The following AKAP19 variants were observed in gnomAD, a reference collection of about 807,000 sequenced individuals.
The protein encoded by AKAP19 is A-kinase anchoring protein 19.
At chr2:189,958,947 A>T in the AKAP19 span, among the ~76,000 whole-genome samples, 10 of 152,172 alleles carry the variant, frequency 6.6e-5, no homozygotes, top group East Asian at 1.9e-3. Context: ...GTTTTTCTTT[A>T]GTACCCTAAA....
chr2:189,991,186 A>T, the AKAP19 span, among the ~76,000 whole-genome samples: 1 of 152,208 alleles, frequency 6.6e-6, no homozygotes, highest in African/African-American at 2.4e-5. Context: ...TCAAATAATG[A>T]CTTCTTTTAC....
At chr2:189,975,871 G>T in the AKAP19 span, among the ~76,000 whole-genome samples, 12 of 152,092 alleles carry the variant, frequency 7.9e-5, no homozygotes, top group Non-Finnish European at 1.6e-4. Flanking sequence ...GGTTATTCTA[G>T]TTAGCCATTC....
At chr2:190,008,730 GCACACACACACACA>G in the AKAP19 span, among the ~76,000 whole-genome samples, 96 of 120,678 alleles carry the variant, frequency 8.0e-4, no homozygotes, top group African/African-American at 2.3e-3. Flanking sequence ...ATGTGCACGT[GCACACACACACACA>G]CACACACACA....
At chr2:189,936,577 C>A in the AKAP19 span, among the ~76,000 whole-genome samples, 1 of 151,884 alleles carries the variant, frequency 6.6e-6, no homozygotes, top group Admixed American at 6.6e-5. Flanking sequence ...GGACAAGAAG[C>A]AAAATCAAGG....
the AKAP19 span, among the ~76,000 whole-genome samples, chr2:190,102,956 C>T: frequency 6.6e-6 from 1 of 152,178 alleles, no homozygotes; most frequent in Non-Finnish European, 1.5e-5. Context: ...GAAATGCTAG[C>T]AGACCAAATC....
the AKAP19 span, among the ~76,000 whole-genome samples, chr2:190,108,156 TTTG>T: frequency 0.025 from 3,821 of 152,174 alleles, 158 homozygotes; most frequent in African/African-American, 0.082. Context: ...AAAATTCTGG[TTTG>T]TTGTTGTTAT....
At chr2:190,147,339 A>G in the AKAP19 span, among the ~76,000 whole-genome samples, 1 of 152,260 alleles carries the variant, frequency 6.6e-6, no homozygotes, top group Non-Finnish European at 1.5e-5. Flanking sequence ...TGGATTCTCT[A>G]TTCTGTTCCG....
At chr2:190,194,742 G>A in the AKAP19 span, among the ~76,000 whole-genome samples, 1 of 152,036 alleles carries the variant, frequency 6.6e-6, no homozygotes, top group Non-Finnish European at 1.5e-5. Flanking sequence ...ACTGTCTCCA[G>A]AGTCTTGCCA....
At chr2:190,092,737 G>T in the AKAP19 span, among the ~76,000 whole-genome samples, 4,241 of 152,212 alleles carry the variant, frequency 0.028, 214 homozygotes, top group African/African-American at 0.096. Flanking sequence ...AAAAGTTCCT[G>T]TTTCCCCCAA....
the AKAP19 span, among the ~76,000 whole-genome samples, chr2:190,067,454 G>T: frequency 8.6e-5 from 13 of 152,018 alleles, no homozygotes; most frequent in African/African-American, 2.7e-4. Flanking sequence ...TACCTGTAGC[G>T]TTGCTTTTAA....
At chr2:189,905,129 A>T in the AKAP19 span, among the ~76,000 whole-genome samples, 2 of 151,986 alleles carry the variant, frequency 1.3e-5, no homozygotes, top group Non-Finnish European at 2.9e-5. Context: ...AGTCTTTGAT[A>T]AAGGTAAGAC....
At chr2:190,149,358 G>T in the AKAP19 span, among the ~76,000 whole-genome samples, 7 of 151,670 alleles carry the variant, frequency 4.6e-5, no homozygotes, top group Admixed American at 4.6e-4. Context: ...CCTTTCTTCT[G>T]CTGGGTTTGG....
the AKAP19 span, among the ~76,000 whole-genome samples, chr2:190,107,855 A>G: frequency 6.6e-6 from 1 of 152,236 alleles, no homozygotes; most frequent in Non-Finnish European, 1.5e-5. Flanking sequence ...CTAGATTTTA[A>G]ACATTATGAA....
the AKAP19 span, among the ~76,000 whole-genome samples, chr2:189,949,961 ACT>A: frequency 6.7e-6 from 1 of 148,754 alleles, no homozygotes; most frequent in Middle Eastern, 3.3e-3. Context: ...CTGAAATGTA[ACT>A]CTTCCAAGGT....
chr2:190,156,620 T>A, the AKAP19 span, among the ~76,000 whole-genome samples: 1 of 152,160 alleles, frequency 6.6e-6, no homozygotes, highest in African/African-American at 2.4e-5. Context: ...CAAATTAGAT[T>A]TGCAGAAAAG....
At chr2:190,052,997 T>C in the AKAP19 span, among the ~76,000 whole-genome samples, 166 of 152,336 alleles carry the variant, frequency 1.1e-3, 2 homozygotes, top group African/African-American at 3.8e-3. Context: ...AAAGTATATG[T>C]GTGTGCTTAT....
the AKAP19 span, among the ~76,000 whole-genome samples, chr2:190,061,648 CT>C: frequency 6.6e-6 from 1 of 151,920 alleles, no homozygotes; most frequent in Non-Finnish European, 1.5e-5. Context: ...CATTATTGTT[CT>C]TACTAACACA....
chr2:189,903,672 T>C, the AKAP19 span, among the ~76,000 whole-genome samples: 4 of 152,052 alleles, frequency 2.6e-5, no homozygotes, highest in Non-Finnish European at 4.4e-5. Context: ...ATACAGGGGG[T>C]ATATGTGCAT....
chr2:190,060,117 T>A, the AKAP19 span: 1 of 1,612,936 alleles, frequency 6.2e-7, no homozygotes, highest in East Asian at 2.2e-5. Flanking sequence ...ACCATTCTCA[T>A]CTAAAGCTTT....
Sources: gnomAD v4.1 joint callset for allele counts (sites outside exome capture counted in the v4.1 genomes callset) on GRCh38, gnomAD v4.1.1 for gene constraint, MANE v1.5 for transcripts, NCBI Gene and HGNC (gene_info 2026-07-23, HGNC 2026-07-21) for gene names.